Variants in SPMIP2 observed in about 807,000 individuals in gnomAD.
SPMIP2 encodes the protein sperm microtubule inner protein 2, also known as protein SPMIP2.
At chr4:159,058,940 G>C in the SPMIP2 span, among the ~76,000 whole-genome samples, 1 of 115,256 alleles carries the variant, frequency 8.7e-6, no homozygotes, top group Admixed American at 8.5e-5. Flanking sequence ...TTTAATTTTA[G>C]GATAACTATT....
At chr4:159,044,715 A>G in the SPMIP2 span, among the ~76,000 whole-genome samples, 1 of 152,154 alleles carries the variant, frequency 6.6e-6, no homozygotes, top group East Asian at 1.9e-4. Context: ...TTTTAATTTT[A>G]TTTGTTACCT....
the SPMIP2 span, among the ~76,000 whole-genome samples, chr4:159,079,347 T>C: frequency 1.3e-5 from 2 of 152,178 alleles, no homozygotes; most frequent in East Asian, 1.9e-4. Context: ...CCTTCCACCA[T>C]GTGAGGACAC....
chr4:159,080,880 T>C, the SPMIP2 span, among the ~76,000 whole-genome samples: 32 of 150,980 alleles, frequency 2.1e-4, no homozygotes, highest in South Asian at 2.3e-3. Context: ...CCCACCACCA[T>C]GCCCGGCTAA....
At chr4:158,977,676 A>G in the SPMIP2 span, among the ~76,000 whole-genome samples, 1 of 139,064 alleles carries the variant, frequency 7.2e-6, no homozygotes, top group Non-Finnish European at 1.5e-5. Flanking sequence ...GAGCAGTGGC[A>G]CAATCTCGGC....
the SPMIP2 span, among the ~76,000 whole-genome samples, chr4:158,926,160 A>T: frequency 6.6e-6 from 1 of 151,948 alleles, no homozygotes; most frequent in Admixed American, 6.6e-5. Flanking sequence ...TTTTAAAAAA[A>T]TTTTCCTGAT....
At chr4:158,987,034 T>C in the SPMIP2 span, among the ~76,000 whole-genome samples, 8 of 135,626 alleles carry the variant, frequency 5.9e-5, no homozygotes, top group African/African-American at 1.7e-4. Context: ...TGAAAAAATG[T>C]TCATCATCAC....
the SPMIP2 span, among the ~76,000 whole-genome samples, chr4:159,025,801 C>T: frequency 6.6e-6 from 1 of 151,994 alleles, no homozygotes; most frequent in African/African-American, 2.4e-5. Flanking sequence ...CCTTATATCC[C>T]CCAAATTACA....
the SPMIP2 span, among the ~76,000 whole-genome samples, chr4:158,910,798 T>G: frequency 1.3e-5 from 2 of 152,198 alleles, no homozygotes; most frequent in South Asian, 2.1e-4. Flanking sequence ...TGGCTCACCC[T>G]GCTGCGTTTG....
At chr4:158,908,711 G>C in the SPMIP2 span, among the ~76,000 whole-genome samples, 1 of 152,054 alleles carries the variant, frequency 6.6e-6, no homozygotes. Flanking sequence ...TTTGAGATGG[G>C]GTTTTGCTCT....
At chr4:158,977,481 TCC>T in the SPMIP2 span, among the ~76,000 whole-genome samples, 2 of 152,096 alleles carry the variant, frequency 1.3e-5, no homozygotes, top group African/African-American at 4.8e-5. Context: ...GAATATTCTC[TCC>T]TTTCTTCTTT....
the SPMIP2 span, among the ~76,000 whole-genome samples, chr4:158,990,506 A>G: frequency 6.6e-6 from 1 of 152,252 alleles, no homozygotes; most frequent in African/African-American, 2.4e-5. Context: ...CATCAATGAA[A>G]GACTGGATAA....
At chr4:159,069,089 G>C in the SPMIP2 span, among the ~76,000 whole-genome samples, 1 of 152,074 alleles carries the variant, frequency 6.6e-6, no homozygotes, top group African/African-American at 2.4e-5. Flanking sequence ...GATCACCTGA[G>C]GTCAGGAGTT....
the SPMIP2 span, among the ~76,000 whole-genome samples, chr4:159,024,355 A>C: frequency 1.3e-5 from 2 of 152,156 alleles, no homozygotes; most frequent in African/African-American, 4.8e-5. Flanking sequence ...GAAAGGTTCT[A>C]CCTTTTCTGA....
the SPMIP2 span, among the ~76,000 whole-genome samples, chr4:159,028,611 G>A: frequency 6.6e-6 from 1 of 152,160 alleles, no homozygotes; most frequent in African/African-American, 2.4e-5. Context: ...GATTATAGGT[G>A]TGTGCCACCG....
the SPMIP2 span, among the ~76,000 whole-genome samples, chr4:158,912,939 C>T: frequency 6.6e-6 from 1 of 152,168 alleles, no homozygotes; most frequent in African/African-American, 2.4e-5. Flanking sequence ...TGATGTGATG[C>T]ACTGAGCATG....
the SPMIP2 span, chr4:158,973,364 T>C: frequency 8.5e-7 from 1 of 1,174,800 alleles, no homozygotes; most frequent in Admixed American, 2.4e-5. Flanking sequence ...TCTAAGATAC[T>C]TTTGTTATTT....
At chr4:159,003,136 G>GT in the SPMIP2 span, among the ~76,000 whole-genome samples, 17 of 152,248 alleles carry the variant, frequency 1.1e-4, 1 homozygote, top group Admixed American at 6.5e-4. Flanking sequence ...CACTCTCTGT[G>GT]TAATTCGCCC....
the SPMIP2 span, among the ~76,000 whole-genome samples, chr4:158,978,711 C>T: frequency 6.6e-6 from 1 of 152,104 alleles, no homozygotes; most frequent in African/African-American, 2.4e-5. Context: ...GGTTTAAAGT[C>T]TGTTTTATCA....
chr4:159,000,719 C>T, the SPMIP2 span, among the ~76,000 whole-genome samples: 1 of 151,584 alleles, frequency 6.6e-6, no homozygotes, highest in Non-Finnish European at 1.5e-5. Context: ...GTCTCAAACT[C>T]CTGACCTCAA....
Sources: allele counts gnomAD v4.1 joint callset (sites outside exome capture counted in the v4.1 genomes callset), GRCh38; gene constraint gnomAD v4.1.1; transcripts MANE v1.5; gene names NCBI Gene and HGNC (gene_info 2026-07-23, HGNC 2026-07-21).